Variants in SRP68 observed in about 807,000 individuals in gnomAD.
SRP68 encodes the protein signal recognition particle 68.
In SRP68, 15 loss-of-function variants were observed where a neutral mutation model predicts 82.2. That is an observed-to-expected ratio of 0.18 (90% CI 0.12 to 0.28). The LOEUF is 0.28. Ranked by LOEUF, SRP68 falls within the 10% of genes least tolerant of loss-of-function variation. The pLI is 1.00. For missense variants in SRP68, 595 were observed against 780.5 expected (o/e 0.76, Z 2.83); for synonymous variants, 261 against 292.6 (o/e 0.89, Z 1.10).
Position 76,039,855 on chromosome 17 carries a change from G to A in SRP68, c.1735C>T (p.Pro579Ser), listed in dbSNP as rs758039068. The A allele has an allele frequency of 3.1e-6, 5 of 1,614,152 alleles. No homozygotes were observed. The highest frequency in any genetic ancestry group is 4.2e-6 in the Non-Finnish European group (5 of 1,180,066). Reference protein sequence around the residue: ...TKQANLVHFPPGFQPIPCKPL... With the variant: ...TKQANLVHFPSGFQPIPCKPL... The stretch of plus-strand genomic sequence containing the variant: ...TTGCAGGGAATGGGCTGGAAGCCTG[G>A]TGGGAAGTGCACAAGGTTGGCTTGC... Residue 579 changes from proline to serine, a missense_variant, in exon 16 of 16, where the codon CCA becomes TCA. Pro to Ser is a moderately conservative substitution (Grantham distance 74, BLOSUM62 -1). Coordinates refer to ENST00000307877, the MANE Select transcript of SRP68 (RefSeq NM_014230.4).
chr17:76,066,731 C>CT lies in SRP68; in HGVS notation c.365+485dup, dbSNP rs556018212. Among the ~76,000 whole-genome samples, 477 of 140,822 alleles carry CT rather than the reference C, an allele frequency of 3.4e-3. 2 individuals are homozygous for CT. Among genetic ancestry groups the CT allele is most frequent in the East Asian group, 4.1e-3 (20 of 4,912 alleles). 92.4% of individuals were successfully genotyped at this position (140,822 alleles called of 152,430 possible). On this transcript the variant is annotated intron_variant, in intron 3 of 15. Transcript: ENST00000307877. ...CTGAGACAGTGAATCTCACCCCCTC[C>CT]TTTTTTTTTTTTTGAGATGGAGTGT...
At position 76,040,981 on chromosome 17, in the gene SRP68, G is replaced by A; in HGVS notation, c.1525-3C>T. Reference sequence around the variant, plus strand: ...AGCTCTTGCACATCAGGCAGGTCCTGTAAGATTCAGAAAACGTGTACTCCC... The same window carrying A: ...AGCTCTTGCACATCAGGCAGGTCCTATAAGATTCAGAAAACGTGTACTCCC... On this transcript the variant is annotated splice_region_variant and splice_polypyrimidine_tract_variant and intron_variant, in intron 13 of 15. Transcript: ENST00000307877. The A allele has an allele frequency of 6.2e-7, 1 of 1,613,214 alleles. No individual in the cohort carries two copies. The highest frequency in any genetic ancestry group is 8.5e-7 in the Non-Finnish European group (1 of 1,179,366).
chr17:76,062,766 A>ATAT (rs2066776515), intron 4 of SRP68, among the ~76,000 whole-genome samples: 3 of 71,634 alleles, frequency 4.2e-5, no homozygotes, highest in African/African-American at 6.0e-5. Flanking sequence ...TATATATATA[A>ATAT]AATATATATA....
chr17:76,046,465 G>GAAAAAAAAAAAAA (rs745410222), intron 10 of SRP68, among the ~76,000 whole-genome samples: 1 of 71,282 alleles, frequency 1.4e-5, no homozygotes, highest in Non-Finnish European at 2.3e-5. Flanking sequence ...CCACACAGTG[G>GAAAAAAAAAAAAA]AAAAAAAAAA....
At chr17:76,047,443 T>C (rs1249475885) in intron 10 of SRP68, among the ~76,000 whole-genome samples, 3 of 152,196 alleles carry the variant, frequency 2.0e-5, no homozygotes, top group Non-Finnish European at 4.4e-5. Flanking sequence ...TATATACTTA[T>C]TTGATAAAAT....
At chr17:76,052,548 T>C (rs1208963380) in intron 8 of SRP68, among the ~76,000 whole-genome samples, 1 of 152,140 alleles carries the variant, frequency 6.6e-6, no homozygotes, top group Non-Finnish European at 1.5e-5. Context: ...CTCACGCCTG[T>C]AATCCCAGCA....
intron 9 of SRP68, 76 bp from the exon 10 acceptor site, chr17:76,048,046 G>T: frequency 2.1e-6 from 2 of 933,432 alleles, no homozygotes; most frequent in South Asian, 2.1e-5. Context: ...GGAATGGTGG[G>T]GTCTCCAAAG....
chr17:76,052,626 A>G lies in SRP68; in HGVS notation c.979-2100T>C, dbSNP rs573081871. 4.6e-5 allele frequency among the ~76,000 whole-genome samples: 7 copies of G among 151,862 alleles called. No individual in the cohort carries two copies. In the South Asian group the frequency reaches 1.5e-3, roughly 32 times the overall value. On this transcript the variant is annotated intron_variant, in intron 8 of 15. Transcript: ENST00000307877. ...GAGACCATCCTGGCTAACACGATGA[A>G]ACCCCGTCTCTACTAAAAATACAAA... is the stretch of plus-strand genomic sequence containing the variant.
At chr17:76,060,498 A>T (rs918938384) in intron 6 of SRP68, 108 bp from the exon 7 acceptor site, 3 of 707,010 alleles carry the variant, frequency 4.2e-6, no homozygotes, top group African/African-American at 3.6e-5. Context: ...TGCTACTTCA[A>T]TGAATCTGCA....
chr17:76,053,000 G>A (rs1300223418), intron 8 of SRP68, among the ~76,000 whole-genome samples: 3 of 151,474 alleles, frequency 2.0e-5, no homozygotes, highest in East Asian at 1.9e-4. Context: ...GGTGGCTCAC[G>A]CCTGTAATCC....
At chr17:76,063,665 G>T (rs190856091) in intron 4 of SRP68, among the ~76,000 whole-genome samples, 1 of 149,082 alleles carries the variant, frequency 6.7e-6, no homozygotes, top group East Asian at 2.0e-4. Flanking sequence ...TCCAGCCTGG[G>T]CGACAAAGCA....
intron 3 of SRP68, 59 bp downstream of exon 3, chr17:76,067,158 A>G: frequency 7.9e-7 from 1 of 1,268,916 alleles, no homozygotes; most frequent in Non-Finnish European, 1.2e-6. Flanking sequence ...CTACCACGTC[A>G]TTGTTCAATA....
chr17:76,039,829 C>T lies in SRP68; in HGVS notation c.1761G>A (p.Lys587=). 6.2e-7 allele frequency: 1 copy of T among 1,614,212 alleles called. No individual in the cohort carries two copies. Among genetic ancestry groups the T allele is most frequent in the Non-Finnish European group, 8.5e-7 (1 of 1,180,042 alleles). ...TGAGGGCCAGGTCAAAGAACAAAGG[C>T]TTGCAGGGAATGGGCTGGAAGCCTG... The part of the protein sequence containing the change: ...FPPGFQPIPC[K]PLFFDLALNH... The change falls in exon 16 of 16, where the codon AAG becomes AAA. Residue 587 remains lysine, a synonymous_variant. Coordinates refer to ENST00000307877, the MANE Select transcript of SRP68 (RefSeq NM_014230.4).
rs115675693 is a variant in SRP68 at position 76,043,864 on chromosome 17, T to C, written c.1489A>G (p.Asn497Asp). Residue 497 changes from asparagine (N) to aspartate (D), a missense_variant, in exon 13 of 16, where the codon AAT (asparagine) becomes GAT (aspartate). Physicochemically the swap from Asn to Asp is conservative, Grantham distance 23. Transcript: ENST00000307877. ...DRVLKYANEVNSDAGAFKNSL... is the reference protein window; with the variant it reads ...DRVLKYANEVDSDAGAFKNSL... ...TTCTTGAAGGCGCCAGCATCAGAAT[T>C]TACTTCATTTGCATATTTCAGGACT... 1.8e-3 allele frequency: 2,839 copies of C among 1,606,284 alleles called. 34 individuals carry two copies. The African/African-American group carries it at 0.026, about 15-fold the overall frequency.
intron 13 of SRP68, chr17:76,043,495 C>A: frequency 5.8e-6 from 1 of 173,762 alleles, no homozygotes; most frequent in Non-Finnish European, 1.2e-5. Flanking sequence ...GGGGGTGCGA[C>A]CCAGACATCT....
At chr17:76,059,595 T>C (rs1268904436) in intron 7 of SRP68, among the ~76,000 whole-genome samples, 1 of 152,120 alleles carries the variant, frequency 6.6e-6, no homozygotes, top group Admixed American at 6.5e-5. Flanking sequence ...CCTGATCTTT[T>C]GTATTTCTTG....
intron 9 of SRP68, 124 bp from the exon 10 acceptor site, chr17:76,048,094 G>A (rs756506247): frequency 1.1e-5 from 5 of 458,356 alleles, no homozygotes; most frequent in Middle Eastern, 6.4e-4. Flanking sequence ...TAAGACAGGA[G>A]TCCTCAAATA....
chr17:76,043,711 C>T (rs572937423), intron 13 of SRP68, 118 bp downstream of exon 13: 13 of 1,146,768 alleles, frequency 1.1e-5, no homozygotes, highest in African/African-American at 1.6e-5. Context: ...CCAGGTCCCA[C>T]GGGCAGCCAG....
At chr17:76,045,475 G>GA in intron 11 of SRP68, 89 bp from the exon 12 acceptor site, 1 of 970,830 alleles carries the variant, frequency 1.0e-6, no homozygotes, top group African/African-American at 3.3e-5. Context: ...GGACAAGAGT[G>GA]AGGAAAAAAA....
Sources: allele counts gnomAD v4.1 joint callset (sites outside exome capture counted in the v4.1 genomes callset), GRCh38; gene constraint gnomAD v4.1.1; transcripts MANE v1.5; gene names NCBI Gene and HGNC (gene_info 2026-07-23, HGNC 2026-07-21).